Variants in TAFA1 observed in about 807,000 individuals in gnomAD.
TAFA1 encodes TAFA chemokine like family member 1, also known as chemokine-like protein TAFA-1.
TAFA1 carries 4 observed loss-of-function variants against 18.5 expected under a neutral mutation model. That is an observed-to-expected ratio of 0.22 (90% CI 0.11 to 0.49). TAFA1 has a LOEUF of 0.49. TAFA1 is among the 20% of genes least tolerant of loss of function. The pLI is 0.98. For missense variants in TAFA1, 147 were observed against 169.0 expected, an observed-to-expected ratio of 0.87 and a Z score of 0.72; for synonymous variants, 56 against 55.2, an observed-to-expected ratio of 1.01 and a Z score of -0.06.
chr3:68,412,654 G>T (rs1277366199), intron 2 of TAFA1, among the ~76,000 whole-genome samples: 3 of 152,132 alleles, frequency 2.0e-5, no homozygotes, highest in African/African-American at 7.2e-5. Context: ...GTGATAGTTT[G>T]CTCAGAATGA....
chr3:68,470,116 A>G (rs56285685), intron 3 of TAFA1, among the ~76,000 whole-genome samples: 13,249 of 152,150 alleles, frequency 0.087, 1,558 homozygotes, highest in African/African-American at 0.26. Flanking sequence ...AATAAGTCTC[A>G]CAAAATATGA....
In TAFA1 at chr3:68,520,534, G is replaced by A. The variant is rs141828238; in HGVS notation, c.260-18222G>A. On this transcript the variant is annotated intron_variant, in intron 3 of 4. Coordinates refer to ENST00000478136, the MANE Select transcript of TAFA1 (RefSeq NM_213609.4). ...CATCCAAATGAATCTTAATAGTTGA[G>A]TAAAATTGAATTTGGCTTCTCTAGG... 2.5e-3 allele frequency among the ~76,000 whole-genome samples: 385 copies of A among 152,302 alleles called. 3 individuals are homozygous for A. Among genetic ancestry groups the A allele is most frequent in the African/African-American group, 8.3e-3 (343 of 41,564 alleles).
At chr3:68,217,732 A>T (rs2066676913) in intron 2 of TAFA1, among the ~76,000 whole-genome samples, 1 of 151,940 alleles carries the variant, frequency 6.6e-6, no homozygotes, top group African/African-American at 2.4e-5. Context: ...TATTTTATTA[A>T]ATTTGAGGGT....
At chr3:68,521,856 G>GTTTTTTTCTTTTTTT (rs2073029834) in intron 3 of TAFA1, among the ~76,000 whole-genome samples, 1 of 70,848 alleles carries the variant, frequency 1.4e-5, no homozygotes, top group Non-Finnish European at 2.4e-5. Flanking sequence ...GTTTTTTTCT[G>GTTTTTTTCTTTTTTT]TTTTTTTTTT....
intron 2 of TAFA1, among the ~76,000 whole-genome samples, chr3:68,279,958 T>G (rs2067869895): frequency 6.6e-6 from 1 of 152,188 alleles, no homozygotes; most frequent in African/African-American, 2.4e-5. Flanking sequence ...GATTGGAGTC[T>G]TGCATAGTGT....
chr3:68,475,380 A>G (rs576465688), intron 3 of TAFA1, among the ~76,000 whole-genome samples: 5 of 151,450 alleles, frequency 3.3e-5, no homozygotes, highest in Non-Finnish European at 7.4e-5. Context: ...TCACTGTTCA[A>G]TTCCCACCTA....
intron 3 of TAFA1, among the ~76,000 whole-genome samples, chr3:68,441,408 C>T (rs1216370582): frequency 6.6e-6 from 1 of 152,092 alleles, no homozygotes; most frequent in Non-Finnish European, 1.5e-5. Flanking sequence ...AGAGCAAAGC[C>T]CTGCCATCTT....
At chr3:68,367,480 C>G (rs192863634) in intron 2 of TAFA1, among the ~76,000 whole-genome samples, 406 of 152,258 alleles carry the variant, frequency 2.7e-3, no homozygotes, top group Admixed American at 6.1e-3. Flanking sequence ...CGGTCACATA[C>G]CATGATTTTC....
chr3:68,264,662 T>C (rs888646761), intron 2 of TAFA1, among the ~76,000 whole-genome samples: 8 of 75,898 alleles, frequency 1.1e-4, no homozygotes, highest in Admixed American at 9.3e-4. Flanking sequence ...CTTAACACAG[T>C]CAATGAAAGT....
intron 2 of TAFA1, among the ~76,000 whole-genome samples, chr3:68,285,240 A>G (rs2067974919): frequency 6.6e-6 from 1 of 152,358 alleles, no homozygotes; most frequent in South Asian, 2.1e-4. Flanking sequence ...CTATGCTGGT[A>G]GAAGTCAGAA....
chr3:68,430,368 A>G (rs947306016), intron 3 of TAFA1, among the ~76,000 whole-genome samples: 2 of 151,972 alleles, frequency 1.3e-5, no homozygotes, highest in African/African-American at 4.8e-5. Flanking sequence ...AGGACAATGA[A>G]ATTGCATGAG....
chr3:68,105,019 T>C (rs79188633), intron 2 of TAFA1, among the ~76,000 whole-genome samples: 3,473 of 152,216 alleles, frequency 0.023, 49 homozygotes, highest in Middle Eastern at 0.037. Flanking sequence ...CCAGTCATGG[T>C]GGAAGCAAAG....
intron 3 of TAFA1, among the ~76,000 whole-genome samples, chr3:68,472,509 C>T (rs1368894855): frequency 7.1e-6 from 1 of 141,380 alleles, no homozygotes; most frequent in African/African-American, 2.5e-5. Context: ...TAAATACACA[C>T]ACACACACAC....
intron 2 of TAFA1, among the ~76,000 whole-genome samples, chr3:68,085,700 T>A (rs2064962653): frequency 6.6e-6 from 1 of 152,152 alleles, no homozygotes; most frequent in Non-Finnish European, 1.5e-5. Flanking sequence ...ATTCCAATAA[T>A]CCAAGTTCCT....
chr3:68,321,766 T>C (rs771028224), intron 2 of TAFA1, among the ~76,000 whole-genome samples: 10 of 152,148 alleles, frequency 6.6e-5, no homozygotes, highest in Admixed American at 4.6e-4. Context: ...GTCAGCCCAC[T>C]TCAGTCTCCA....
intron 3 of TAFA1, among the ~76,000 whole-genome samples, chr3:68,531,998 ATTAT>A (rs1176956576): frequency 2.6e-5 from 4 of 152,212 alleles, no homozygotes; most frequent in African/African-American, 2.4e-5. Context: ...ATATTTAAGA[ATTAT>A]TTATCTTTAT....
rs373058853 is a variant in TAFA1, at chr3:68,050,471, C to T, written c.118+43727C>T. Among the ~76,000 whole-genome samples, 10 of 152,132 alleles carry T rather than the reference C, an allele frequency of 6.6e-5. No homozygotes were observed. The East Asian group carries it at 9.6e-4, about 15-fold the overall frequency. ...GGGGATTTGGGCTGGGCACCACCAT[C>T]GTCTGCTATGGCACGTAATGATACT... On this transcript the variant is annotated intron_variant, in intron 2 of 4. Transcript: ENST00000478136.
chr3:68,405,562 T>G (rs1171927522), intron 2 of TAFA1, among the ~76,000 whole-genome samples: 1 of 149,574 alleles, frequency 6.7e-6, no homozygotes, highest in African/African-American at 2.5e-5. Flanking sequence ...TAGCCAAGCA[T>G]AGTGGCATGT....
At position 68,231,394 on chromosome 3, in the gene TAFA1, C is replaced by T. The variant is rs796371855; in HGVS notation, c.119-185886C>T. ...TTTGAGACGGAGTCTCGCTCTGTCG[C>T]CCAGGCCGGACTGCGGACTGCAGTG... On this transcript the variant is annotated intron_variant, in intron 2 of 4. Transcript: ENST00000478136. Among the ~76,000 whole-genome samples, 460 of 129,564 alleles carry T rather than the reference C, an allele frequency of 3.6e-3. 2 individuals carry two copies. Among genetic ancestry groups the T allele is most frequent in the African/African-American group, 0.013 (433 of 33,860 alleles). The allele number at this position is 129,564 out of a possible 152,430, so 85.0% of individuals were successfully genotyped here.
Sources: gnomAD v4.1 joint callset for allele counts (sites outside exome capture counted in the v4.1 genomes callset) on GRCh38, gnomAD v4.1.1 for gene constraint, MANE v1.5 for transcripts, NCBI Gene and HGNC (gene_info 2026-07-23, HGNC 2026-07-21) for gene names.